CNKSR2: variants seen among roughly 807,000 people sequenced by gnomAD.
The protein encoded by CNKSR2 is CNK homolog protein 2.
A neutral mutation model predicts 84.4 loss-of-function variants in CNKSR2; 14 were observed. The ratio of observed to expected loss-of-function variants is 0.17; its 90% CI spans 0.11 to 0.26. The LOEUF (loss-of-function observed/expected upper bound fraction) is 0.26, where lower values mean the gene tolerates loss of function less well. Ranked by LOEUF, CNKSR2 falls within the 10% of genes least tolerant of loss-of-function variation. The probability of loss-of-function intolerance (pLI) is 1.00; values close to 1 mark genes in which losing one functional copy is unlikely to be tolerated. For synonymous variants in CNKSR2, 275 were observed against 277.9 expected, an observed-to-expected ratio of 0.99 and a Z score of 0.10; for missense variants, 485 against 771.2, an observed-to-expected ratio of 0.63 and a Z score of 4.40.
At position 21,529,689 on chromosome X, in the gene CNKSR2, C is replaced by T. The variant is rs967096478; in HGVS notation, c.1092-2167C>T. On this transcript the variant is annotated intron_variant, in intron 10 of 21. Transcript: ENST00000379510. Reference sequence around the variant, plus strand: ...GTGAATATATACATTAACACACACACACACATACACATACACACATTTACA... The same window carrying T: ...GTGAATATATACATTAACACACACATACACATACACATACACACATTTACA... 4.5e-5 allele frequency among the ~76,000 whole-genome samples: 5 copies of T among 110,970 alleles called. No homozygotes were observed. The Admixed American group carries it at 4.8e-4, about 11-fold the overall frequency.
In CNKSR2 at chrX:21,374,597, A is replaced by G. The variant is rs1234370771; in HGVS notation, c.-301A>G. ...GAGACCGGAGCGGAGCGGCGGAGGCAGCAGCAGCAGCAGCAGCAGCAGCAG... is the reference window on the plus strand; with the variant it reads ...GAGACCGGAGCGGAGCGGCGGAGGCGGCAGCAGCAGCAGCAGCAGCAGCAG... On this transcript the variant is annotated 5_prime_UTR_variant, in exon 1 of 22. Transcript: ENST00000379510. 29 of 294,401 alleles carry G rather than the reference A, an allele frequency of 9.9e-5. No homozygotes were observed. Among genetic ancestry groups the G allele is most frequent in the East Asian group, 3.7e-4 (4 of 10,811 alleles). 24.3% of individuals were successfully genotyped at this position (294,401 alleles called of 1,213,427 possible). A position where few individuals can be genotyped will look rare whatever the true frequency, so the allele number is the denominator to read the frequency against.
At chrX:21,452,320 C>G (rs779108136) in intron 4 of CNKSR2, among the ~76,000 whole-genome samples, 4 of 111,304 alleles carry the variant, frequency 3.6e-5, no homozygotes, top group Non-Finnish European at 7.5e-5. Flanking sequence ...TCTCGAACTC[C>G]TGACCTCATG....
chrX:21,544,483 T>A (rs2092004130), intron 11 of CNKSR2, among the ~76,000 whole-genome samples: 1 of 111,697 alleles, frequency 9.0e-6, no homozygotes, highest in Admixed American at 9.5e-5. Context: ...AATAAAATGG[T>A]TGGAGAGCCT....
chrX:21,408,903 G>T (rs1243728751), intron 1 of CNKSR2, among the ~76,000 whole-genome samples: 1 of 109,691 alleles, frequency 9.1e-6, no homozygotes, highest in South Asian at 3.9e-4. Context: ...TTAACTGTTG[G>T]GTTGCCAACA....
chrX:21,474,857 A>G (rs1458256382), intron 5 of CNKSR2, among the ~76,000 whole-genome samples: 2 of 112,329 alleles, frequency 1.8e-5, no homozygotes, highest in South Asian at 3.7e-4. Flanking sequence ...GTAAAAAAGC[A>G]GTGTATTTAT....
At chrX:21,608,794 C>G (rs2092532766) in intron 19 of CNKSR2, among the ~76,000 whole-genome samples, 1 of 112,016 alleles carries the variant, frequency 8.9e-6, no homozygotes. Flanking sequence ...TATGTAAGCA[C>G]TAACTCTTAT....
intron 20 of CNKSR2, among the ~76,000 whole-genome samples, chrX:21,617,111 TA>T (rs1310343118): frequency 9.0e-6 from 1 of 111,483 alleles, no homozygotes; most frequent in African/African-American, 3.3e-5. Context: ...TATGTTATGT[TA>T]TTTTTTTTTA....
At chrX:21,555,769 G>A (rs938213967) in intron 11 of CNKSR2, among the ~76,000 whole-genome samples, 3 of 111,564 alleles carry the variant, frequency 2.7e-5, no homozygotes, top group Non-Finnish European at 5.7e-5. Context: ...CAGACTTATG[G>A]AGAAATTTCT....
At chrX:21,444,708 T>G (rs1239121604) in intron 4 of CNKSR2, among the ~76,000 whole-genome samples, 2 of 109,751 alleles carry the variant, frequency 1.8e-5, no homozygotes, top group African/African-American at 6.6e-5. Flanking sequence ...GATGCTCTGC[T>G]TACTTTTGGT....
intron 11 of CNKSR2, among the ~76,000 whole-genome samples, chrX:21,557,486 A>G (rs1050475195): frequency 9.0e-6 from 1 of 111,169 alleles, no homozygotes; most frequent in African/African-American, 3.3e-5. Flanking sequence ...AGGAATAAAT[A>G]CAGCACAAAA....
chrX:21,648,794 C>CTT (rs33962399), intron 20 of CNKSR2, 37 bp from the exon 21 acceptor site: 15,093 of 299,164 alleles, frequency 0.05, 536 homozygotes, highest in African/African-American at 0.12. Flanking sequence ...CTCTCTCTTT[C>CTT]TTTTTTTTTT....
intron 13 of CNKSR2, among the ~76,000 whole-genome samples, chrX:21,575,729 C>T (rs1203484260): frequency 9.0e-6 from 1 of 111,456 alleles, no homozygotes; most frequent in Non-Finnish European, 1.9e-5. Context: ...CATCAATAGG[C>T]ACCGACAAAA....
chrX:21,488,012 ATG>A (rs778032176), intron 5 of CNKSR2, among the ~76,000 whole-genome samples: 40 of 112,434 alleles, frequency 3.6e-4, no homozygotes, highest in African/African-American at 9.7e-4. Flanking sequence ...TTTCAGGGGA[ATG>A]ATCTTCCTGT....
intron 1 of CNKSR2, among the ~76,000 whole-genome samples, chrX:21,399,938 T>C (rs2090167941): frequency 9.0e-6 from 1 of 111,346 alleles, no homozygotes; most frequent in South Asian, 3.8e-4. Context: ...CAAAGAGTAC[T>C]GAGGTTTAAA....
intron 1 of CNKSR2, among the ~76,000 whole-genome samples, chrX:21,417,821 T>A (rs753739871): frequency 8.9e-4 from 99 of 111,636 alleles, no homozygotes; most frequent in Non-Finnish European, 8.3e-4. Flanking sequence ...AGGCAACAAA[T>A]CACTGTGTTT....
chrX:21,552,959 T>A (rs2147169487), intron 11 of CNKSR2, among the ~76,000 whole-genome samples: 1 of 112,177 alleles, frequency 8.9e-6, no homozygotes, highest in African/African-American at 3.2e-5. Context: ...TACAGCCATT[T>A]AAAAATGTAC....
chrX:21,448,041 C>T (rs1192055998), intron 4 of CNKSR2, among the ~76,000 whole-genome samples: 2 of 111,237 alleles, frequency 1.8e-5, no homozygotes, highest in African/African-American at 6.5e-5. Context: ...GGAAAAAATG[C>T]ATGTAATTAA....
At chrX:21,401,667 TAAG>T (rs1214145713) in intron 1 of CNKSR2, among the ~76,000 whole-genome samples, 3 of 112,270 alleles carry the variant, frequency 2.7e-5, no homozygotes, top group African/African-American at 9.7e-5. Context: ...AATTTCATTT[TAAG>T]AATCGGTCAG....
chrX:21,397,301 C>G (rs2146978626), intron 1 of CNKSR2, among the ~76,000 whole-genome samples: 1 of 111,416 alleles, frequency 9.0e-6, no homozygotes, highest in Admixed American at 9.6e-5. Context: ...TAATAATTTT[C>G]CATTTTAATT....
Sources: allele counts gnomAD v4.1 joint callset (sites outside exome capture counted in the v4.1 genomes callset), GRCh38; gene constraint gnomAD v4.1.1; transcripts MANE v1.5; gene names NCBI Gene and HGNC (gene_info 2026-07-23, HGNC 2026-07-21).